The following RSF1 variants were observed in gnomAD, a reference collection of about 807,000 sequenced individuals.
RSF1 encodes the protein remodeling and spacing factor 1.
In RSF1, 13 loss-of-function variants were observed where a neutral mutation model predicts 145.2. The observed-to-expected ratio is 0.09, with a 90% CI of 0.06 to 0.14. The LOEUF is 0.14. Among genes scored for constraint, RSF1 ranks in the 10% least tolerant of loss-of-function variants. RSF1 has a pLI of 1.00. For missense variants in RSF1, 1,517 were observed against 1,718.2 expected (o/e 0.88, Z 2.07); for synonymous variants, 577 against 592.6 (o/e 0.97, Z 0.38).
chr11:77,698,816 T>G, intron 6 of RSF1, 123 bp from the exon 7 acceptor site: 2 of 756,544 alleles, frequency 2.6e-6, no homozygotes, highest in Middle Eastern at 3.4e-4. Flanking sequence ...GAGAAAATTA[T>G]TATAGTCTCA....
At chr11:77,869,170 C>T in the RSF1 span, 1 of 239,280 alleles carries the variant, frequency 4.2e-6, no homozygotes, top group South Asian at 7.4e-5. Context: ...TTGGGTGCAT[C>T]TCCTCTTTCC....
intron 5 of RSF1, chr11:77,717,652 A>C (rs1960847914): frequency 1.3e-5 from 2 of 152,238 alleles, no homozygotes; most frequent in Admixed American, 1.3e-4. Flanking sequence ...ATTAATGAAC[A>C]CATTGACTCA....
intron 9 of RSF1, chr11:77,690,867 A>G (rs1027902572): frequency 6.5e-5 from 25 of 387,212 alleles, no homozygotes; most frequent in Admixed American, 1.3e-4. Context: ...GACAATATAC[A>G]AACAAATGAG....
chr11:77,667,127 A>G lies in RSF1; in HGVS notation c.4116T>C (p.Asn1372=), dbSNP rs774735788. The change falls in exon 16 of 16, where the codon AAT becomes AAC. Residue 1372 remains asparagine (N), a synonymous_variant. Coordinates refer to ENST00000308488, the MANE Select transcript of RSF1 (RefSeq NM_016578.4). ...CAATGGCTTTGCCAGGGCTCTGTCC[A>G]TTGGTTGAAGGTAAGTCCACTAAGC... The part of the protein sequence containing the change: ...DYSLVDLPST[N]GQSPGKAIEN... The G allele has an allele frequency of 2.5e-6, 4 of 1,614,166 alleles. No homozygotes were observed. Among genetic ancestry groups the G allele is most frequent in the South Asian group, 2.2e-5 (2 of 91,084 alleles).
the RSF1 span, among the ~76,000 whole-genome samples, chr11:77,858,671 C>T: frequency 7.9e-5 from 12 of 151,990 alleles, no homozygotes; most frequent in Admixed American, 7.2e-4. Context: ...GGAGGTTGGC[C>T]GATGACCGCT....
rs566487736 is a variant in RSF1 at position 77,712,675 on chromosome 11, T to C, written c.734-10180A>G. The stretch of plus-strand genomic sequence containing the variant: ...AATTATTACTGTAGCATTTTCTTAA[T>C]GGTGATTTTCTACTTCCCTCATTAC... On this transcript the variant is annotated intron_variant, in intron 5 of 15. Coordinates refer to ENST00000308488, the MANE Select transcript of RSF1 (RefSeq NM_016578.4). Among the ~76,000 whole-genome samples, 3 of 152,364 alleles carry C rather than the reference T, an allele frequency of 2.0e-5. No individual in the cohort carries two copies. In the East Asian group the frequency reaches 5.8e-4, roughly 29 times the overall value.
At chr11:77,741,285 G>A (rs1947933211) in intron 3 of RSF1, among the ~76,000 whole-genome samples, 1 of 152,186 alleles carries the variant, frequency 6.6e-6, no homozygotes, top group African/African-American at 2.4e-5. Context: ...GCTGACACCT[G>A]TAATCCCAGC....
chr11:77,821,024 C>T (rs1346013631), upstream of RSF1: 3 of 234,270 alleles, frequency 1.3e-5, no homozygotes, highest in Non-Finnish European at 8.4e-6. Flanking sequence ...ACAAGGGAAG[C>T]GGGGCGGGGA....
rs902583628 is a variant in RSF1 at position 77,751,816 on chromosome 11, C to T, written c.280-4688G>A. Among the ~76,000 whole-genome samples the T allele has an allele frequency of 2.0e-5, 3 of 152,226 alleles. No homozygotes were observed. In the South Asian group the frequency reaches 6.2e-4, roughly 32 times the overall value. ...AAATTCGAACACAGCACAGCTCCTT[C>T]CTGTACTGCGATAGTTACTGAATAA... On this transcript the variant is annotated intron_variant, in intron 2 of 15. Coordinates refer to ENST00000308488, the MANE Select transcript of RSF1 (RefSeq NM_016578.4).
At chr11:77,800,368 T>C (rs908799680) in intron 1 of RSF1, among the ~76,000 whole-genome samples, 2 of 151,834 alleles carry the variant, frequency 1.3e-5, no homozygotes, top group Non-Finnish European at 2.9e-5. Flanking sequence ...GGCACACACC[T>C]GTAATCCCAG....
chr11:77,791,770 C>T (rs779444511), intron 1 of RSF1, among the ~76,000 whole-genome samples: 2 of 152,176 alleles, frequency 1.3e-5, no homozygotes, highest in Non-Finnish European at 2.9e-5. Context: ...TCCTCTTCTC[C>T]GTCTGAGACC....
At chr11:77,674,315 T>C (rs543239173) in intron 14 of RSF1, among the ~76,000 whole-genome samples, 46 of 152,366 alleles carry the variant, frequency 3.0e-4, no homozygotes, top group Non-Finnish European at 5.9e-4. Context: ...ATTCATTTCT[T>C]GTAGCGGTTG....
At chr11:77,783,586 A>G (rs1948425529) in intron 1 of RSF1, among the ~76,000 whole-genome samples, 1 of 152,158 alleles carries the variant, frequency 6.6e-6, no homozygotes, top group South Asian at 2.1e-4. Flanking sequence ...TCACACCTGT[A>G]ATCCCAGCGC....
the RSF1 span, among the ~76,000 whole-genome samples, chr11:77,840,097 A>AAC: frequency 8.5e-4 from 128 of 150,444 alleles, no homozygotes; most frequent in East Asian, 6.5e-3. Flanking sequence ...GGGGACAGTA[A>AAC]ACACACACAC....
At chr11:77,737,472 AAAC>A (rs371133283) in intron 4 of RSF1, among the ~76,000 whole-genome samples, 14 of 110,396 alleles carry the variant, frequency 1.3e-4, no homozygotes, top group South Asian at 5.4e-4. Context: ...AAAAACCAAA[AAAC>A]AACAACAACA....
At chr11:77,827,505 A>G in the RSF1 span, among the ~76,000 whole-genome samples, 2 of 152,250 alleles carry the variant, frequency 1.3e-5, no homozygotes, top group African/African-American at 4.8e-5. Flanking sequence ...ATATATTGTA[A>G]TATATTTACA....
intron 1 of RSF1, among the ~76,000 whole-genome samples, chr11:77,770,747 A>G (rs1772781552): frequency 6.6e-6 from 1 of 152,244 alleles, no homozygotes; most frequent in African/African-American, 2.4e-5. Context: ...AAATATCAGC[A>G]TGGCTTGAGG....
chr11:77,672,329 A>G (rs918455912), intron 14 of RSF1, 99 bp from the exon 15 acceptor site: 3 of 954,004 alleles, frequency 3.1e-6, no homozygotes, highest in African/African-American at 1.7e-5. Flanking sequence ...GAGTTCAGTC[A>G]TAAATATTTT....
At chr11:77,810,781 G>A (rs367668449) in intron 1 of RSF1, among the ~76,000 whole-genome samples, 5 of 152,118 alleles carry the variant, frequency 3.3e-5, no homozygotes, top group Non-Finnish European at 7.4e-5. Flanking sequence ...CTGGAAATTT[G>A]TATTATACTG....
Sources: gnomAD v4.1 joint callset for allele counts (sites outside exome capture counted in the v4.1 genomes callset) on GRCh38, gnomAD v4.1.1 for gene constraint, MANE v1.5 for transcripts, NCBI Gene and HGNC (gene_info 2026-07-23, HGNC 2026-07-21) for gene names.